Variants in HERC2 observed in about 807,000 individuals in gnomAD.
The protein encoded by HERC2 is E3 ubiquitin-protein ligase HERC2.
Under a neutral mutation model 537.7 loss-of-function variants are expected in HERC2, and 102 were observed. The ratio of observed to expected loss-of-function variants is 0.19; its 90% CI spans 0.16 to 0.22. The LOEUF is 0.22. HERC2 is among the 10% of genes least tolerant of loss of function. The pLI is 1.00. For synonymous variants in HERC2, 2,224 were observed against 2,466.2 expected (o/e 0.90, Z 2.91); for missense variants, 4,236 against 6,198.2 (o/e 0.68, Z 10.63).
intron 23 of HERC2, among the ~76,000 whole-genome samples, chr15:28,240,088 A>G (rs1315567620): frequency 6.6e-6 from 1 of 152,104 alleles, no homozygotes; most frequent in Non-Finnish European, 1.5e-5. Flanking sequence ...AAGAGGTAAA[A>G]TGCCTTAAAA....
At chr15:28,210,133 T>TTTTA (rs1332024356) in intron 44 of HERC2, among the ~76,000 whole-genome samples, 3 of 151,338 alleles carry the variant, frequency 2.0e-5, no homozygotes, top group Non-Finnish European at 4.4e-5. Context: ...CACTATTTTT[T>TTTTA]TTTATTTATT....
chr15:28,304,426 G>A (rs113967675), intron 2 of HERC2, among the ~76,000 whole-genome samples: 2,905 of 149,708 alleles, frequency 0.019, 12 homozygotes, highest in African/African-American at 0.067. Flanking sequence ...GGAATATAGC[G>A]GCACAATCTC....
chr15:28,314,120 C>T (rs796864464), intron 2 of HERC2, among the ~76,000 whole-genome samples: 3 of 152,240 alleles, frequency 2.0e-5, no homozygotes, highest in African/African-American at 7.2e-5. Context: ...TTATTGTTAC[C>T]CAGAGCCTCG....
intron 69 of HERC2, among the ~76,000 whole-genome samples, chr15:28,160,740 C>T (rs1233158996): frequency 6.6e-6 from 1 of 152,232 alleles, no homozygotes; most frequent in Non-Finnish European, 1.5e-5. Flanking sequence ...ACCCACTGTC[C>T]TGCACCCGCT....
Position 28,144,249 on chromosome 15 carries a change from C to T in HERC2, c.11141-14G>A, listed in dbSNP as rs866131213. ...GTTCTTTAGGGCCTGTGAATGAACA[C>T]TGTAAACATCCCCGGGTTTCACAAG... On this transcript the variant is annotated splice_polypyrimidine_tract_variant and intron_variant, in intron 72 of 92. Coordinates refer to ENST00000261609, the MANE Select transcript of HERC2 (RefSeq NM_004667.6). 9 of 1,611,706 alleles carry T rather than the reference C, an allele frequency of 5.6e-6. No individual in the cohort carries two copies. The Middle Eastern group carries it at 6.8e-4, about 122-fold the overall frequency.
intron 20 of HERC2, 110 bp downstream of exon 20, chr15:28,254,230 C>A: frequency 1.4e-6 from 1 of 712,774 alleles, no homozygotes; most frequent in Non-Finnish European, 2.3e-6. Flanking sequence ...TTGCAGTGAG[C>A]CAAGATGGCG....
rs372436249 is a variant in HERC2, at chr15:28,147,744, G to A, written c.10901-1400C>T. ...CAATAAAAAGTTATTGTTAGAAAAA[G>A]GGAATAGGCTGGGTACAGTGGCTCA... On this transcript the variant is annotated intron_variant, in intron 70 of 92. Coordinates refer to ENST00000261609, the MANE Select transcript of HERC2 (RefSeq NM_004667.6). Among the ~76,000 whole-genome samples the A allele has an allele frequency of 5.8e-3, 886 of 152,194 alleles. 11 individuals carry two copies. Among genetic ancestry groups the A allele is most frequent in the African/African-American group, 0.019 (808 of 41,530 alleles).
chr15:28,172,202 T>G (rs1181320866), intron 65 of HERC2, among the ~76,000 whole-genome samples: 2 of 152,214 alleles, frequency 1.3e-5, no homozygotes, highest in Non-Finnish European at 2.9e-5. Flanking sequence ...AATCCATCCT[T>G]TCCACATTGA....
intron 19 of HERC2, among the ~76,000 whole-genome samples, chr15:28,254,939 C>A (rs1489358454): frequency 6.6e-6 from 1 of 152,210 alleles, no homozygotes; most frequent in African/African-American, 2.4e-5. Context: ...CACGCACCTG[C>A]CCCAGGACCT....
chr15:28,304,893 G>A (rs1431721010), intron 2 of HERC2, among the ~76,000 whole-genome samples: 9 of 127,288 alleles, frequency 7.1e-5, no homozygotes, highest in African/African-American at 2.3e-4. Context: ...AGTCCCCAGA[G>A]TGTGATATTC....
At chr15:28,201,151 T>A (rs1228794432) in intron 48 of HERC2, among the ~76,000 whole-genome samples, 1 of 151,694 alleles carries the variant, frequency 6.6e-6, no homozygotes, top group Non-Finnish European at 1.5e-5. Flanking sequence ...TGGGTGCCCA[T>A]CCTGCTCAGC....
chr15:28,116,951 C>T, intron 87 of HERC2, 62 bp downstream of exon 87: 1 of 1,612,296 alleles, frequency 6.2e-7, no homozygotes, highest in Non-Finnish European at 8.5e-7. Context: ...CTCTGTGCTC[C>T]CTGTGGGCTC....
At chr15:28,215,519 T>A in intron 39 of HERC2, 102 bp downstream of exon 39, 1 of 896,140 alleles carries the variant, frequency 1.1e-6, no homozygotes, top group Non-Finnish European at 1.7e-6. Context: ...CTAGACCCTT[T>A]CTGCACTCGT....
chr15:28,155,529 T>C (rs1221478247), intron 69 of HERC2, among the ~76,000 whole-genome samples: 1 of 151,976 alleles, frequency 6.6e-6, no homozygotes, highest in Admixed American at 6.5e-5. Flanking sequence ...ATGATGAGCA[T>C]TTTTTCATGT....
chr15:28,302,822 A>G (rs1358342315), intron 2 of HERC2, among the ~76,000 whole-genome samples: 1 of 151,828 alleles, frequency 6.6e-6, no homozygotes, highest in Non-Finnish European at 1.5e-5. Context: ...AGAAATGTCT[A>G]TTCAAATCTT....
intron 55 of HERC2, among the ~76,000 whole-genome samples, chr15:28,188,030 C>T (rs1418389953): frequency 6.6e-6 from 1 of 152,154 alleles, no homozygotes; most frequent in Non-Finnish European, 1.5e-5. Context: ...GGAAATACAG[C>T]TTGACCACCA....
chr15:28,201,359 A>C (rs1053003603), intron 48 of HERC2, 97 bp downstream of exon 48: 2 of 795,974 alleles, frequency 2.5e-6, no homozygotes, highest in East Asian at 2.5e-5. Context: ...CCCTGAGGGC[A>C]GGGGCCTCTG....
At chr15:28,310,508 CCGAAAACA>C (rs1478292529) in intron 2 of HERC2, among the ~76,000 whole-genome samples, 2 of 152,014 alleles carry the variant, frequency 1.3e-5, no homozygotes, top group Non-Finnish European at 2.9e-5. Flanking sequence ...AAAAAGTGAG[CCGAAAACA>C]TTCAGGGCCC....
chr15:28,123,152 A>T (rs1189396596), intron 85 of HERC2, among the ~76,000 whole-genome samples: 1 of 152,200 alleles, frequency 6.6e-6, no homozygotes, highest in Non-Finnish European at 1.5e-5. Flanking sequence ...CCTCAGGCAC[A>T]CGTGAAAGTA....
Sources: allele counts gnomAD v4.1 joint callset (sites outside exome capture counted in the v4.1 genomes callset), GRCh38; gene constraint gnomAD v4.1.1; transcripts MANE v1.5; gene names NCBI Gene and HGNC (gene_info 2026-07-23, HGNC 2026-07-21).